SORCS2: variants seen among roughly 807,000 people sequenced by gnomAD.
SORCS2 encodes VPS10 domain-containing receptor SorCS2.
In SORCS2, 100 loss-of-function variants were observed where a neutral mutation model predicts 141.6. The ratio of observed to expected loss-of-function variants is 0.71; its 90% confidence interval spans 0.60 to 0.83. SORCS2 has a LOEUF of 0.83. Ranked by LOEUF, SORCS2 falls within the 40% of genes least tolerant of loss-of-function variation. The pLI is 0.00. For synonymous variants in SORCS2, 789 were observed against 676.9 expected (o/e 1.17, Z -2.57); for missense variants, 1,646 against 1,560.2 (o/e 1.05, Z -0.93).
chr4:7,620,805 T>C (rs1719113518), intron 3 of SORCS2, among the ~76,000 whole-genome samples: 1 of 152,010 alleles, frequency 6.6e-6, no homozygotes, highest in Non-Finnish European at 1.5e-5. Flanking sequence ...GCGCTGAGGG[T>C]CTCACGGTGG....
chr4:7,511,686 G>C (rs1171545478), intron 2 of SORCS2, among the ~76,000 whole-genome samples: 2 of 152,136 alleles, frequency 1.3e-5, no homozygotes, highest in Non-Finnish European at 2.9e-5. Context: ...GGTGGGGACA[G>C]GGCTGGGTGA....
chr4:7,241,397 A>C (rs574043580), intron 1 of SORCS2, among the ~76,000 whole-genome samples: 1 of 152,170 alleles, frequency 6.6e-6, no homozygotes, highest in Non-Finnish European at 1.5e-5. Flanking sequence ...GTGGTCCAGC[A>C]TGAACGCTCC....
chr4:7,247,507 C>A (rs577463842), intron 1 of SORCS2, among the ~76,000 whole-genome samples: 3 of 152,162 alleles, frequency 2.0e-5, no homozygotes, highest in Admixed American at 1.3e-4. Context: ...CAACCATAAA[C>A]GGCATCGTAA....
chr4:7,648,308 C>T lies in SORCS2; in HGVS notation c.814-5826C>T, dbSNP rs543975831. 1.1e-3 allele frequency among the ~76,000 whole-genome samples: 164 copies of T among 152,048 alleles called. No homozygotes were observed. The highest frequency in any genetic ancestry group is 2.1e-3 in the Non-Finnish European group (141 of 67,942). ...GGGGGTGGTGCAGGGAGGAAGTGAC[C>T]GTGGAGAGGGTGTCAAGGAGTCAGG... On this transcript the variant is annotated intron_variant, in intron 4 of 26. Transcript: ENST00000507866. The surrounding 1 kb of genome is among the most constrained non-coding windows in gnomAD (Gnocchi z 4.2).
chr4:7,374,989 C>A (rs1195124933), intron 1 of SORCS2, among the ~76,000 whole-genome samples: 1 of 152,164 alleles, frequency 6.6e-6, no homozygotes, highest in Non-Finnish European at 1.5e-5. Context: ...ACATTTGTAT[C>A]CTCAGAGGGC....
chr4:7,353,274 G>A (rs560461459), intron 1 of SORCS2, among the ~76,000 whole-genome samples: 10 of 152,246 alleles, frequency 6.6e-5, no homozygotes, highest in African/African-American at 1.2e-4. Flanking sequence ...CAGGTCCCCA[G>A]GATGCTGGGA....
intron 2 of SORCS2, among the ~76,000 whole-genome samples, chr4:7,489,739 G>A (rs532850414): frequency 5.5e-5 from 7 of 126,940 alleles, no homozygotes; most frequent in Non-Finnish European, 9.1e-5. Context: ...GTTCACAGAC[G>A]GAGTCTGTGT....
chr4:7,413,576 T>C (rs964710674), intron 2 of SORCS2, among the ~76,000 whole-genome samples: 1 of 151,926 alleles, frequency 6.6e-6, no homozygotes, highest in African/African-American at 2.4e-5. Flanking sequence ...TTAGTGGAGA[T>C]GGGGTTTTGC....
intron 3 of SORCS2, among the ~76,000 whole-genome samples, chr4:7,633,769 C>T (rs1346828257): frequency 3.3e-5 from 5 of 152,154 alleles, no homozygotes; most frequent in African/African-American, 1.2e-4. Flanking sequence ...TTCATTCACT[C>T]ATTCCTGCAT....
intron 2 of SORCS2, among the ~76,000 whole-genome samples, chr4:7,453,434 G>T (rs1343054571): frequency 5.2e-5 from 7 of 133,548 alleles, no homozygotes; most frequent in Middle Eastern, 5.7e-3. Context: ...GTGTGTTGGG[G>T]TCAGGTGCTG....
At chr4:7,613,928 C>T (rs535414071) in intron 3 of SORCS2, among the ~76,000 whole-genome samples, 3 of 152,232 alleles carry the variant, frequency 2.0e-5, no homozygotes, top group Non-Finnish European at 4.4e-5. Context: ...AACATCCGTT[C>T]ACTCATCCAT....
At chr4:7,433,761 C>T in intron 2 of SORCS2, 2 of 1,613,404 alleles carry the variant, frequency 1.2e-6, no homozygotes, top group Non-Finnish European at 1.7e-6. Flanking sequence ...CATGGACTGC[C>T]CGGGCCCGCC....
intron 20 of SORCS2, among the ~76,000 whole-genome samples, chr4:7,726,335 T>G (rs909301925): frequency 6.6e-6 from 1 of 152,200 alleles, no homozygotes; most frequent in Non-Finnish European, 1.5e-5. Flanking sequence ...CGTGCTGTGT[T>G]GGCTTACAAC....
intron 1 of SORCS2, among the ~76,000 whole-genome samples, chr4:7,334,825 C>A (rs11941375): frequency 2.6e-5 from 4 of 152,088 alleles, no homozygotes; most frequent in African/African-American, 9.6e-5. Context: ...TGTGAGCAGG[C>A]CCTGTAGGAT....
chr4:7,518,681 G>T (rs1435824448), intron 2 of SORCS2, among the ~76,000 whole-genome samples: 4 of 152,236 alleles, frequency 2.6e-5, no homozygotes, highest in Middle Eastern at 3.4e-3. Context: ...TTCACAGGAG[G>T]TGCTCGTGTG....
intron 14 of SORCS2, 53 bp from the exon 15 acceptor site, chr4:7,712,680 A>T (rs1408258140): frequency 6.2e-7 from 1 of 1,611,064 alleles, no homozygotes; most frequent in Non-Finnish European, 8.5e-7. Flanking sequence ...GCACAGTAGG[A>T]CAAGGCCTAA....
chr4:7,571,235 T>C (rs577501535), intron 3 of SORCS2, among the ~76,000 whole-genome samples: 20 of 152,316 alleles, frequency 1.3e-4, no homozygotes, highest in South Asian at 4.2e-4. Context: ...AAGCCTTGTA[T>C]TGGGTGCTGC....
At chr4:7,719,419 G>A (rs531844665) in intron 18 of SORCS2, among the ~76,000 whole-genome samples, 11 of 151,028 alleles carry the variant, frequency 7.3e-5, no homozygotes, top group Admixed American at 2.0e-4. Flanking sequence ...ACTGAGGCTC[G>A]GACAGAGAAG....
intron 3 of SORCS2, among the ~76,000 whole-genome samples, chr4:7,558,874 T>C (rs1714327255): frequency 6.6e-6 from 1 of 152,206 alleles, no homozygotes; most frequent in Non-Finnish European, 1.5e-5. Context: ...CCCATAGAGC[T>C]GTGGCTCACC....
Sources: gnomAD v4.1 joint callset for allele counts (sites outside exome capture counted in the v4.1 genomes callset) on GRCh38, gnomAD v4.1.1 for gene constraint, Gnocchi (gnomAD v3.1) non-coding constraint, MANE v1.5 for transcripts, NCBI Gene and HGNC (gene_info 2026-07-23, HGNC 2026-07-21) for gene names.